USP45: variants seen among roughly 807,000 people sequenced by gnomAD.
USP45 encodes ubiquitin specific peptidase 45, also known as ubiquitin carboxyl-terminal hydrolase 45.
USP45 carries 89 observed loss-of-function variants against 95.8 expected under a neutral mutation model. That is an observed-to-expected ratio of 0.93 (90% CI 0.78 to 1.11). The LOEUF is 1.11. Among genes scored for constraint, USP45 ranks in the 50% least tolerant of loss-of-function variants. The pLI, the probability that USP45 is intolerant of heterozygous loss-of-function variation, is 0.00. For missense variants in USP45, 898 were observed against 942.5 expected (o/e 0.95, Z 0.62); for synonymous variants, 281 against 316.2 (o/e 0.89, Z 1.18).
At chr6:99,453,628 C>T (rs1393723425) in intron 13 of USP45, among the ~76,000 whole-genome samples, 1 of 152,146 alleles carries the variant, frequency 6.6e-6, no homozygotes, top group East Asian at 1.9e-4. Flanking sequence ...ATTCCAATGA[C>T]GTTTTTCACA....
At position 99,476,168 on chromosome 6, in the gene USP45, T is replaced by G. The variant is rs764814783; in HGVS notation, c.908A>C (p.Asp303Ala). The part of the protein sequence containing the change: ...DSQELLHYLL[D>A]AVRTEETKRI... The stretch of plus-strand genomic sequence containing the variant: ...CTTTGTTTCTTCTGTCCTCACTGCA[T>G]CCAGAAGATAATGAAGAAGCTCCTG... Residue 303 changes from aspartate to alanine, a missense_variant, in exon 9 of 18, where the codon GAT becomes GCT. Physicochemically the swap from Asp to Ala is moderately radical, Grantham distance 126 (BLOSUM62 -2). Coordinates refer to ENST00000500704, the MANE Select transcript of USP45 (RefSeq NM_001346022.3). 1 of 1,613,840 alleles carries G rather than the reference T, an allele frequency of 6.2e-7. No individual in the cohort carries two copies. Among genetic ancestry groups the G allele is most frequent in the African/African-American group, 1.3e-5 (1 of 74,920 alleles).
rs762952146 is a variant in USP45 at position 99,454,576 on chromosome 6, AAAG to A, written c.1309-8116_1309-8114del. 4.6e-5 allele frequency among the ~76,000 whole-genome samples: 7 copies of A among 152,314 alleles called. No homozygotes were observed. The East Asian group carries it at 9.6e-4, about 21-fold the overall frequency. On this transcript the variant is annotated intron_variant, in intron 13 of 17. Transcript: ENST00000500704. The stretch of plus-strand genomic sequence containing the variant: ...AGGAACTAATGTTAGACATTTCCCA[AAAG>A]AAGACATCCAAATGGCCAAGAGGTA...
chr6:99,469,486 ATTTTTTT>A (rs60670572), intron 9 of USP45, among the ~76,000 whole-genome samples: 2 of 136,790 alleles, frequency 1.5e-5, no homozygotes, highest in Non-Finnish European at 3.1e-5. Context: ...ATATATATAT[ATTTTTTT>A]TTTTTTTGAG....
intron 13 of USP45, among the ~76,000 whole-genome samples, chr6:99,455,305 C>T (rs1245065993): frequency 6.6e-6 from 1 of 151,550 alleles, no homozygotes; most frequent in African/African-American, 2.4e-5. Context: ...ATTAGCTGGG[C>T]GTGGTGGCAC....
chr6:99,475,468 A>G (rs1285772252), intron 9 of USP45, among the ~76,000 whole-genome samples: 1 of 151,932 alleles, frequency 6.6e-6, no homozygotes, highest in African/African-American at 2.4e-5. Context: ...GGCACACGCT[A>G]CCACACCTGG....
intron 8 of USP45, among the ~76,000 whole-genome samples, chr6:99,480,463 G>C (rs1169057582): frequency 6.6e-6 from 1 of 152,146 alleles, no homozygotes; most frequent in Non-Finnish European, 1.5e-5. Flanking sequence ...ATCACCTGAG[G>C]TTGGGAGTTC....
chr6:99,477,307 CA>C (rs1449046052), intron 8 of USP45, among the ~76,000 whole-genome samples: 1 of 152,098 alleles, frequency 6.6e-6, no homozygotes, highest in Non-Finnish European at 1.5e-5. Context: ...ATTATTATCT[CA>C]TTTTTATTTT....
rs749684555 is a variant in USP45 at position 99,482,882 on chromosome 6, T to C, written c.716A>G (p.Asp239Gly). 2.0e-6 allele frequency: 3 copies of C among 1,516,386 alleles called. No homozygotes were observed. Among genetic ancestry groups the C allele is most frequent in the Non-Finnish European group, 2.6e-6 (3 of 1,135,524 alleles). 93.9% of individuals were successfully genotyped at this position (1,516,386 alleles called of 1,614,324 possible). Residue 239 changes from aspartate (D) to glycine (G), a missense_variant and splice_region_variant, in exon 8 of 18, where the codon GAC (aspartate) becomes GGC (glycine). Asp to Gly is a moderately conservative substitution (Grantham distance 94). Transcript: ENST00000500704. ...CCTTGAAAGTTCCACCACCAATGGG[T>C]CCTTTAAAAACATGATCAACTCTAT... The part of the protein sequence containing the change: ...KIFPSSDSQL[D>G]PLVVELSRPG...
At position 99,446,119 on chromosome 6, in the gene USP45, ACCACTGTCAGTCT is replaced by A; in HGVS notation, c.1640_1652del (p.Glu547ValfsTer14). The stretch of plus-strand genomic sequence containing the variant: ...AAATAGCTTCTGCCATTTCCTTATC[ACCACTGTCAGTCT>A]CCTTGGTGTACAGCAGTTTACCTGC... On this transcript the variant is annotated frameshift_variant, in exon 14 of 18. Coordinates refer to ENST00000500704, the MANE Select transcript of USP45 (RefSeq NM_001346022.3). LOFTEE classifies it high-confidence loss of function. 1 of 1,614,052 alleles carries A rather than the reference ACCACTGTCAGTCT, an allele frequency of 6.2e-7. No individual in the cohort carries two copies. The highest frequency in any genetic ancestry group is 8.5e-7 in the Non-Finnish European group (1 of 1,180,028).
chr6:99,479,129 T>C (rs980869916), intron 8 of USP45, among the ~76,000 whole-genome samples: 1 of 151,370 alleles, frequency 6.6e-6, no homozygotes, highest in African/African-American at 2.4e-5. Flanking sequence ...GATACATTCA[T>C]TACATTGAAT....
chr6:99,444,102 C>T (rs968010397), intron 14 of USP45, among the ~76,000 whole-genome samples: 1 of 152,032 alleles, frequency 6.6e-6, no homozygotes, highest in Admixed American at 6.6e-5. Flanking sequence ...GCCTTGACCT[C>T]CCAGGCACAA....
chr6:99,488,094 C>T, intron 7 of USP45, 106 bp downstream of exon 7: 4 of 688,462 alleles, frequency 5.8e-6, no homozygotes, highest in South Asian at 3.7e-5. Flanking sequence ...TTTTTAAGCC[C>T]CCTGGCTACT....
chr6:99,466,804 C>T, intron 10 of USP45, 41 bp from the exon 11 acceptor site: 1 of 1,490,396 alleles, frequency 6.7e-7, no homozygotes, highest in Non-Finnish European at 9.3e-7. Context: ...ACATGTCAAC[C>T]ATCCATCTAG....
intron 10 of USP45, among the ~76,000 whole-genome samples, chr6:99,467,154 C>T (rs545014386): frequency 9.9e-5 from 15 of 151,974 alleles, no homozygotes; most frequent in Admixed American, 2.6e-4. Context: ...AAATAACAGT[C>T]GTAAAAGGCA....
intron 8 of USP45, among the ~76,000 whole-genome samples, chr6:99,480,219 T>C (rs1792039097): frequency 6.6e-6 from 1 of 152,158 alleles, no homozygotes; most frequent in South Asian, 2.1e-4. Context: ...ATTTGTATGC[T>C]GAAAACTATA....
intron 11 of USP45, among the ~76,000 whole-genome samples, chr6:99,466,450 CATG>C (rs1175627228): frequency 6.6e-6 from 1 of 152,090 alleles, no homozygotes; most frequent in Non-Finnish European, 1.5e-5. Flanking sequence ...ATAGGTGTGT[CATG>C]AGGAAAAATA....
intron 5 of USP45, among the ~76,000 whole-genome samples, chr6:99,499,322 T>C (rs1395814613): frequency 6.6e-6 from 1 of 152,194 alleles, no homozygotes; most frequent in Non-Finnish European, 1.5e-5. Flanking sequence ...TTATCATAAA[T>C]AGGTGTTTTC....
intron 13 of USP45, among the ~76,000 whole-genome samples, chr6:99,457,401 C>G (rs1785347530): frequency 6.6e-6 from 1 of 152,132 alleles, no homozygotes; most frequent in Non-Finnish European, 1.5e-5. Flanking sequence ...TAGAATTTCT[C>G]TCTTTTGTAC....
chr6:99,443,144 G>A (rs527839551), intron 15 of USP45, among the ~76,000 whole-genome samples: 1 of 152,198 alleles, frequency 6.6e-6, no homozygotes, highest in South Asian at 2.1e-4. Flanking sequence ...TTAAACCCGG[G>A]AAGTGGAGGT....
Sources: allele counts gnomAD v4.1 joint callset (sites outside exome capture counted in the v4.1 genomes callset), GRCh38; gene constraint gnomAD v4.1.1; transcripts MANE v1.5; gene names NCBI Gene and HGNC (gene_info 2026-07-23, HGNC 2026-07-21).